SCLT1: variants seen among roughly 807,000 people sequenced by gnomAD.
The protein encoded by SCLT1 is sodium channel and clathrin linker 1.
SCLT1 carries 78 observed loss-of-function variants against 112.8 expected under a neutral mutation model. The ratio of observed to expected loss-of-function variants is 0.69; its 90% CI spans 0.58 to 0.83. SCLT1 has a LOEUF of 0.83. SCLT1 is among the 40% of genes least tolerant of loss of function. The pLI is 0.00. For missense variants in SCLT1, 747 were observed against 770.4 expected (o/e 0.97, Z 0.36); for synonymous variants, 257 against 254.7 (o/e 1.01, Z -0.09).
In SCLT1 at chr4:128,965,337, A is replaced by G. The variant is rs1211776986; in HGVS notation, c.778-19T>C. 2.7e-6 allele frequency: 4 copies of G among 1,493,088 alleles called. No homozygotes were observed. In the African/African-American group the frequency reaches 4.2e-5, roughly 15 times the overall value. The allele number at this position is 1,493,088 out of a possible 1,614,324, so 92.5% of individuals were successfully genotyped here. On this transcript the variant is annotated intron_variant, in intron 10 of 20. Transcript: ENST00000281142. ...CCTTCTCCTAGAAAATAAAGAAACT[A>G]GAAGCTTACTTTGAGTATGTGAAAA...
intron 15 of SCLT1, 104 bp downstream of exon 15, chr4:128,948,388 ATACT>A: frequency 7.2e-7 from 1 of 1,389,262 alleles, no homozygotes; most frequent in Non-Finnish European, 9.5e-7. Flanking sequence ...TACCAGGACA[ATACT>A]AACAAATAAA....
At chr4:129,010,970 C>T (rs554291020) in intron 5 of SCLT1, among the ~76,000 whole-genome samples, 7 of 152,228 alleles carry the variant, frequency 4.6e-5, no homozygotes, top group South Asian at 4.1e-4. Flanking sequence ...ATAGGAGTGG[C>T]GAGAAAGGGC....
chr4:128,992,236 G>A lies in SCLT1; in HGVS notation c.617C>T (p.Thr206Ile), dbSNP rs1169760672. 6 of 1,585,684 alleles carry A rather than the reference G, an allele frequency of 3.8e-6. No individual in the cohort carries two copies. Among genetic ancestry groups the A allele is most frequent in the Non-Finnish European group, 5.2e-6 (6 of 1,161,840 alleles). Residue 206 changes from threonine (T) to isoleucine (I), a missense_variant and splice_region_variant, in exon 9 of 21, where the codon ACT becomes ATT. Coordinates refer to ENST00000281142, the MANE Select transcript of SCLT1 (RefSeq NM_144643.4). ...LHVTNENMEVTNQQFLKTVTE... is the reference protein window; with the variant it reads ...LHVTNENMEVINQQFLKTVTE... ...TACTGTTTTCAGAAACTGTTGGTTA[G>A]TCTGCCACAAGAAAAAAAAAGAATC...
At chr4:128,923,984 T>G (rs986762376) in intron 18 of SCLT1, among the ~76,000 whole-genome samples, 4 of 152,060 alleles carry the variant, frequency 2.6e-5, no homozygotes, top group Admixed American at 1.3e-4. Context: ...AATTTTATTA[T>G]TTTTTATTTT....
chr4:128,976,491 A>C (rs79183975), intron 9 of SCLT1, among the ~76,000 whole-genome samples: 2,885 of 152,272 alleles, frequency 0.019, 90 homozygotes, highest in African/African-American at 0.065. Flanking sequence ...AAACATGTTT[A>C]CTTCATGCCT....
In SCLT1 at chr4:129,093,133, C is replaced by G. The variant is rs779043796; in HGVS notation, c.-30G>C. On this transcript the variant is annotated 5_prime_UTR_variant, in exon 1 of 21. Transcript: ENST00000281142. ...ATACAATTTTAGTTTAGAGCTTTCA[C>G]CACCTTTACCTTCCTCTGAAAGACA... The G allele has an allele frequency of 2.5e-6, 4 of 1,607,208 alleles. No individual in the cohort carries two copies. In the South Asian group the frequency reaches 4.4e-5, roughly 18 times the overall value.
chr4:128,982,461 T>C (rs1741742483), intron 9 of SCLT1, among the ~76,000 whole-genome samples: 1 of 152,222 alleles, frequency 6.6e-6, no homozygotes, highest in Non-Finnish European at 1.5e-5. Context: ...TACATGAATA[T>C]AATATCTATG....
intron 11 of SCLT1, among the ~76,000 whole-genome samples, chr4:128,963,474 G>A (rs2126020578): frequency 6.6e-6 from 1 of 152,232 alleles, no homozygotes; most frequent in African/African-American, 2.4e-5. Flanking sequence ...AAAACATGAT[G>A]CTTCACCTGT....
At chr4:129,041,473 G>GTGTT (rs1374557922) in intron 4 of SCLT1, among the ~76,000 whole-genome samples, 19 of 152,312 alleles carry the variant, frequency 1.2e-4, no homozygotes, top group African/African-American at 4.6e-4. Flanking sequence ...GAAGCATTAT[G>GTGTT]TGTTCTTTTA....
At chr4:129,067,161 C>T (rs1750562571) in intron 2 of SCLT1, among the ~76,000 whole-genome samples, 2 of 151,580 alleles carry the variant, frequency 1.3e-5, no homozygotes. Context: ...AGTGTTTAAC[C>T]TAATTCCTGA....
At chr4:129,011,213 A>T (rs1243123456) in intron 5 of SCLT1, among the ~76,000 whole-genome samples, 2 of 152,186 alleles carry the variant, frequency 1.3e-5, no homozygotes, top group South Asian at 4.2e-4. Flanking sequence ...TATGTGATGA[A>T]TCACATTTAT....
chr4:129,026,290 A>C (rs1161688190), intron 5 of SCLT1, among the ~76,000 whole-genome samples: 4 of 152,198 alleles, frequency 2.6e-5, no homozygotes, highest in Non-Finnish European at 4.4e-5. Flanking sequence ...AATTGACCAC[A>C]TACTGGGAAG....
At chr4:128,953,818 AC>A (rs1446522600) in intron 13 of SCLT1, among the ~76,000 whole-genome samples, 1 of 135,456 alleles carries the variant, frequency 7.4e-6, no homozygotes, top group East Asian at 2.2e-4. Flanking sequence ...AAACAAAAAA[AC>A]AAAAAAAAAA....
At chr4:128,935,565 G>T (rs1054862047) in intron 18 of SCLT1, among the ~76,000 whole-genome samples, 4 of 152,008 alleles carry the variant, frequency 2.6e-5, no homozygotes, top group African/African-American at 9.7e-5. Flanking sequence ...GATTAATAAT[G>T]TTATACACTT....
chr4:129,032,643 GA>G (rs1008085148), intron 5 of SCLT1, among the ~76,000 whole-genome samples: 16 of 149,614 alleles, frequency 1.1e-4, no homozygotes, highest in Middle Eastern at 3.4e-3. Context: ...AAATTTACAA[GA>G]AAAAAAAACC....
chr4:129,017,541 T>C (rs1745098524), intron 5 of SCLT1, among the ~76,000 whole-genome samples: 1 of 151,294 alleles, frequency 6.6e-6, no homozygotes, highest in Admixed American at 6.6e-5. Flanking sequence ...TAAAGCATTA[T>C]TTTTTATGTA....
At chr4:128,924,650 TATC>T (rs959644879) in intron 18 of SCLT1, among the ~76,000 whole-genome samples, 1 of 152,202 alleles carries the variant, frequency 6.6e-6, no homozygotes, top group Non-Finnish European at 1.5e-5. Context: ...AATTTTTGCT[TATC>T]ATAAGATTTT....
At chr4:128,901,601 A>G (rs2125935754) in intron 18 of SCLT1, among the ~76,000 whole-genome samples, 1 of 152,090 alleles carries the variant, frequency 6.6e-6, no homozygotes, top group East Asian at 1.9e-4. Context: ...CAGCACACCA[A>G]CATGGCACAT....
chr4:128,983,261 A>G (rs1741824005), intron 9 of SCLT1, among the ~76,000 whole-genome samples: 1 of 152,222 alleles, frequency 6.6e-6, no homozygotes, highest in Non-Finnish European at 1.5e-5. Context: ...ATAAATGACA[A>G]TCTTTCCCTT....
Sources: gnomAD v4.1 joint callset for allele counts (sites outside exome capture counted in the v4.1 genomes callset) on GRCh38, gnomAD v4.1.1 for gene constraint, MANE v1.5 for transcripts, NCBI Gene and HGNC (gene_info 2026-07-23, HGNC 2026-07-21) for gene names.